Variants in CCDC91 observed in about 807,000 individuals in gnomAD.
CCDC91 encodes coiled-coil domain containing 91.
A neutral mutation model predicts 63.2 loss-of-function variants in CCDC91; 48 were observed. That is an observed-to-expected ratio of 0.76 (90% CI 0.60 to 0.97). The LOEUF (loss-of-function observed/expected upper bound fraction) is 0.97. Among genes scored for constraint, CCDC91 ranks in the 50% least tolerant of loss-of-function variants. The probability of loss-of-function intolerance (pLI) is 0.00; values close to 1 mark genes in which losing one functional copy is unlikely to be tolerated. For missense variants in CCDC91, 500 were observed against 494.6 expected, an observed-to-expected ratio of 1.01 and a Z score of -0.10; for synonymous variants, 167 against 165.8, an observed-to-expected ratio of 1.01 and a Z score of -0.06.
intron 1 of CCDC91, among the ~76,000 whole-genome samples, chr12:28,252,945 TATA>T (rs1198372967): frequency 6.6e-6 from 1 of 152,176 alleles, no homozygotes; most frequent in East Asian, 1.9e-4. Flanking sequence ...AGTTAGCTAT[TATA>T]ATATTCGATA....
chr12:28,430,857 T>G (rs1592652926), intron 8 of CCDC91, among the ~76,000 whole-genome samples: 1 of 152,056 alleles, frequency 6.6e-6, no homozygotes. Context: ...TTTCTTGGGG[T>G]CTGCTTACCT....
chr12:28,271,045 G>A (rs150069267), intron 3 of CCDC91, among the ~76,000 whole-genome samples: 2 of 152,240 alleles, frequency 1.3e-5, no homozygotes, highest in African/African-American at 4.8e-5. Flanking sequence ...GATATGGAGT[G>A]CCAGCATAGC....
chr12:28,508,656 A>C (rs1330562079), intron 12 of CCDC91, among the ~76,000 whole-genome samples: 1 of 151,896 alleles, frequency 6.6e-6, no homozygotes, highest in East Asian at 1.9e-4. Context: ...ACCAGGTGAC[A>C]GTAGTAGCTA....
At chr12:28,358,323 A>G (rs1228219371) in intron 6 of CCDC91, among the ~76,000 whole-genome samples, 2 of 152,168 alleles carry the variant, frequency 1.3e-5, no homozygotes, top group Non-Finnish European at 2.9e-5. Flanking sequence ...TAATGTTATT[A>G]ACACTTTTAT....
chr12:28,212,750 G>A (rs1355999276), intron 1 of CCDC91, among the ~76,000 whole-genome samples: 1 of 152,160 alleles, frequency 6.6e-6, no homozygotes, highest in Non-Finnish European at 1.5e-5. Flanking sequence ...TTTGATTGAT[G>A]CATAAGCAAA....
chr12:28,476,702 A>G (rs572547130), intron 11 of CCDC91, among the ~76,000 whole-genome samples: 3 of 152,262 alleles, frequency 2.0e-5, no homozygotes, highest in Admixed American at 2.0e-4. Context: ...GAAAAGATCA[A>G]CAAAATTAAT....
At chr12:28,488,396 A>C (rs1951831453) in intron 12 of CCDC91, among the ~76,000 whole-genome samples, 1 of 151,820 alleles carries the variant, frequency 6.6e-6, no homozygotes, top group Non-Finnish European at 1.5e-5. Flanking sequence ...TCATAACCAA[A>C]AATTACTATG....
At chr12:28,376,292 C>T (rs1259871789) in intron 7 of CCDC91, among the ~76,000 whole-genome samples, 3 of 151,336 alleles carry the variant, frequency 2.0e-5, no homozygotes, top group African/African-American at 7.3e-5. Context: ...GGTGTGCATA[C>T]GTGTATGTGC....
chr12:28,301,770 A>G (rs1007060343), intron 3 of CCDC91, among the ~76,000 whole-genome samples: 3 of 151,730 alleles, frequency 2.0e-5, no homozygotes, highest in Non-Finnish European at 4.4e-5. Flanking sequence ...ATTTAATCAG[A>G]TCAACTTTTA....
intron 7 of CCDC91, among the ~76,000 whole-genome samples, chr12:28,379,162 A>T (rs551123630): frequency 6.6e-6 from 1 of 152,094 alleles, no homozygotes; most frequent in South Asian, 2.1e-4. Context: ...TTCCAAAGAT[A>T]AAAGACCTTA....
intron 1 of CCDC91, among the ~76,000 whole-genome samples, chr12:28,231,426 T>C (rs1300446396): frequency 6.6e-6 from 1 of 152,214 alleles, no homozygotes; most frequent in African/African-American, 2.4e-5. Context: ...TAAAGAAATA[T>C]CTTTGTACAT....
intron 12 of CCDC91, among the ~76,000 whole-genome samples, chr12:28,508,777 G>T (rs532850763): frequency 6.6e-6 from 1 of 151,952 alleles, no homozygotes; most frequent in Admixed American, 6.6e-5. Context: ...CATATTATCT[G>T]AGTCAGTTAT....
intron 3 of CCDC91, among the ~76,000 whole-genome samples, chr12:28,270,952 T>G (rs75285998): frequency 0.011 from 1,603 of 152,232 alleles, 37 homozygotes; most frequent in African/African-American, 0.037. Context: ...CTTCCTGGCT[T>G]TTGCAAACTA....
chr12:28,431,604 G>T (rs1948629936), intron 8 of CCDC91, among the ~76,000 whole-genome samples: 1 of 151,930 alleles, frequency 6.6e-6, no homozygotes, highest in South Asian at 2.1e-4. Context: ...GCAGGTTCTA[G>T]CTAGATTTTT....
chr12:28,477,136 C>T (rs949952591), intron 11 of CCDC91, among the ~76,000 whole-genome samples: 7 of 152,098 alleles, frequency 4.6e-5, no homozygotes, highest in Non-Finnish European at 1.5e-5. Flanking sequence ...CCAGCATCAT[C>T]CTCATTCCAA....
intron 3 of CCDC91, among the ~76,000 whole-genome samples, chr12:28,264,240 T>C (rs1947021982): frequency 6.6e-6 from 1 of 151,674 alleles, no homozygotes; most frequent in Non-Finnish European, 1.5e-5. Context: ...TTTTGCCTTC[T>C]TTTTTTCTAA....
chr12:28,218,006 GT>G (rs1943679985), intron 1 of CCDC91, among the ~76,000 whole-genome samples: 1 of 151,986 alleles, frequency 6.6e-6, no homozygotes, highest in African/African-American at 2.4e-5. Flanking sequence ...GTCCCCTCCT[GT>G]TCCAGTCTCA....
At chr12:28,224,740 C>T (rs888186575) in intron 1 of CCDC91, among the ~76,000 whole-genome samples, 1 of 152,154 alleles carries the variant, frequency 6.6e-6, no homozygotes, top group Non-Finnish European at 1.5e-5. Flanking sequence ...TCATGCTATT[C>T]ACATTTCTGG....
At chr12:28,499,507 C>A (rs972596889) in intron 12 of CCDC91, among the ~76,000 whole-genome samples, 1 of 151,748 alleles carries the variant, frequency 6.6e-6, no homozygotes, top group South Asian at 2.1e-4. Flanking sequence ...CCTTCCCCTA[C>A]CCCCCACTCC....
Sources: allele counts gnomAD v4.1 joint callset (sites outside exome capture counted in the v4.1 genomes callset), GRCh38; gene constraint gnomAD v4.1.1; transcripts MANE v1.5; gene names NCBI Gene and HGNC (gene_info 2026-07-23, HGNC 2026-07-21).